Variants in SYNE2 observed in about 807,000 individuals in gnomAD.
SYNE2 encodes the protein spectrin repeat containing nuclear envelope protein 2.
A neutral mutation model predicts 856.3 loss-of-function variants in SYNE2; 431 were observed. The observed-to-expected ratio is 0.50, with a 90% confidence interval of 0.47 to 0.55. The LOEUF is 0.55. Among genes scored for constraint, SYNE2 ranks in the 20% least tolerant of loss-of-function variants. The pLI, the probability that SYNE2 is intolerant of heterozygous loss-of-function variation, is 0.00. For missense variants in SYNE2, 8,129 were observed against 8,023.2 expected (o/e 1.01, Z -0.50); for synonymous variants, 2,923 against 2,872.3 (o/e 1.02, Z -0.56).
intron 2 of SYNE2, among the ~76,000 whole-genome samples, chr14:63,911,907 G>A (rs1457109944): frequency 6.6e-6 from 1 of 152,202 alleles, no homozygotes; most frequent in African/African-American, 2.4e-5. Context: ...TATACAATCT[G>A]TTTTACAATT....
In SYNE2 at chr14:64,087,659, G is replaced by T; in HGVS notation, c.11485-12G>T. 6.2e-7 allele frequency: 1 copy of T among 1,613,556 alleles called. No individual in the cohort carries two copies. The stretch of plus-strand genomic sequence containing the variant: ...TGTTTCTCTCTATTTTTCCCATTCT[G>T]TGTTTATCTAGATGGCTTTGGAAGA... On this transcript the variant is annotated splice_polypyrimidine_tract_variant and intron_variant, in intron 57 of 115. Coordinates refer to ENST00000555002, the MANE Select transcript of SYNE2 (RefSeq NM_182914.3).
intron 64 of SYNE2, among the ~76,000 whole-genome samples, chr14:64,107,175 A>G (rs1449954014): frequency 6.6e-6 from 1 of 152,196 alleles, no homozygotes; most frequent in Non-Finnish European, 1.5e-5. Flanking sequence ...AATTTTCATA[A>G]GGACATACTT....
At chr14:63,942,919 C>G (rs1395110398) in intron 6 of SYNE2, among the ~76,000 whole-genome samples, 3 of 152,218 alleles carry the variant, frequency 2.0e-5, no homozygotes, top group African/African-American at 7.2e-5. Flanking sequence ...GCATGAGCCA[C>G]CGTGCCTGTC....
intron 2 of SYNE2, among the ~76,000 whole-genome samples, chr14:63,934,225 C>T (rs1293862900): frequency 1.3e-5 from 2 of 152,156 alleles, no homozygotes; most frequent in African/African-American, 2.4e-5. Context: ...GCACTGTCTC[C>T]TTTGCTAACT....
chr14:64,090,467 G>A (rs1255950), intron 59 of SYNE2, among the ~76,000 whole-genome samples: 130,006 of 152,196 alleles, frequency 0.85, 56,595 homozygotes, highest in Non-Finnish European at 0.94. Flanking sequence ...GTTCAAGTCA[G>A]TAAGCACTTT....
At chr14:64,158,571 G>A (rs912035641) in intron 85 of SYNE2, 54 bp from the exon 86 acceptor site, 1 of 1,582,410 alleles carries the variant, frequency 6.3e-7, no homozygotes, top group Non-Finnish European at 8.7e-7. Flanking sequence ...ATCTGTTGGA[G>A]AGCATGTCTT....
Position 64,007,209 on chromosome 14 carries a change from T to C in SYNE2, c.4564T>C (p.Leu1522=), listed in dbSNP as rs2096802993. Residue 1522 remains leucine (L), a synonymous_variant, in exon 31 of 116, where the codon TTG becomes CTG. Transcript: ENST00000555002. ...TVVLWENTKA[L]VTECLEQCGR... Reference sequence around the variant, plus strand: ...AGTCTTGTGGGAGAATACCAAAGCCTTGGTCACCGAATGGTAAGGAAAAAA... The same window carrying C: ...AGTCTTGTGGGAGAATACCAAAGCCCTGGTCACCGAATGGTAAGGAAAAAA... The C allele has an allele frequency of 6.2e-7, 1 of 1,614,042 alleles. No homozygotes were observed. The highest frequency in any genetic ancestry group is 1.6e-4 in the Middle Eastern group (1 of 6,062).
chr14:64,055,343 T>A (rs896791329), intron 48 of SYNE2, among the ~76,000 whole-genome samples: 2 of 152,108 alleles, frequency 1.3e-5, no homozygotes, highest in African/African-American at 4.8e-5. Context: ...TTTAGATTAT[T>A]TTTCTTATTA....
chr14:63,948,135 G>A (rs568969323), intron 6 of SYNE2, among the ~76,000 whole-genome samples: 76 of 144,164 alleles, frequency 5.3e-4, no homozygotes, highest in Middle Eastern at 3.5e-3. Context: ...ACACGTGTGC[G>A]TGCGCGCACA....
chr14:63,788,650 G>C (rs943059245), intron 1 of SYNE2, among the ~76,000 whole-genome samples: 3 of 152,160 alleles, frequency 2.0e-5, no homozygotes, highest in Non-Finnish European at 2.9e-5. Context: ...TCAGAAGGAG[G>C]GGGGTTCCTG....
chr14:63,980,240 CTT>C (rs1469460168), intron 14 of SYNE2, among the ~76,000 whole-genome samples: 6 of 152,032 alleles, frequency 3.9e-5, no homozygotes, highest in African/African-American at 1.4e-4. Context: ...TGATGGATAT[CTT>C]TTTGTAACGT....
chr14:64,220,751 GT>G, intron 111 of SYNE2, 114 bp downstream of exon 111: 1 of 1,238,872 alleles, frequency 8.1e-7, no homozygotes, highest in South Asian at 1.3e-5. Context: ...TGTGGCTGGT[GT>G]CAGGAAACAT....
intron 96 of SYNE2, among the ~76,000 whole-genome samples, chr14:64,178,546 C>A (rs1700780265): frequency 6.6e-6 from 1 of 152,104 alleles, no homozygotes; most frequent in South Asian, 2.1e-4. Flanking sequence ...CAACCTCCAA[C>A]TTCCAAGCTC....
intron 8 of SYNE2, chr14:63,960,783 G>A: frequency 2.6e-6 from 2 of 763,482 alleles, no homozygotes; most frequent in South Asian, 1.3e-5. Flanking sequence ...GCCTGGCACA[G>A]TGTCTTGTGC....
chr14:63,785,309 T>C (rs1887478139), intron 1 of SYNE2, among the ~76,000 whole-genome samples: 1 of 151,832 alleles, frequency 6.6e-6, no homozygotes, highest in Non-Finnish European at 1.5e-5. Flanking sequence ...AAATACAAAA[T>C]GTAGTTAGGT....
intron 74 of SYNE2, among the ~76,000 whole-genome samples, chr14:64,129,380 T>C (rs1216226520): frequency 6.6e-6 from 1 of 152,188 alleles, no homozygotes; most frequent in East Asian, 1.9e-4. Context: ...AAAAACTGTA[T>C]ATAGCCCAAA....
intron 64 of SYNE2, among the ~76,000 whole-genome samples, chr14:64,104,446 CTTTTTTT>C (rs34102150): frequency 1.7e-5 from 2 of 118,804 alleles, no homozygotes; most frequent in Non-Finnish European, 1.7e-5. Context: ...CCTGTTTTCT[CTTTTTTT>C]TTTTTTTTTT....
At position 63,966,233 on chromosome 14, in the gene SYNE2, T is replaced by C. The variant is rs563662764; in HGVS notation, c.991-1476T>C. Among the ~76,000 whole-genome samples the C allele has an allele frequency of 2.0e-5, 3 of 152,116 alleles. No individual in the cohort carries two copies. In the East Asian group the frequency reaches 5.8e-4, roughly 29 times the overall value. ...AACCCCAGAGCTGAGTAGTTATCTA[T>C]GGCCAGTTGTGGTGGCTCATGTCTG... On this transcript the variant is annotated intron_variant, in intron 10 of 115. Coordinates refer to ENST00000555002, the MANE Select transcript of SYNE2 (RefSeq NM_182914.3).
At position 63,924,832 on chromosome 14, in the gene SYNE2, GTGTTTTTTTTTT is replaced by G. The variant is rs1352089741; in HGVS notation, c.79+15607_79+15618del. 6.5e-4 allele frequency among the ~76,000 whole-genome samples: 60 copies of G among 92,858 alleles called. 3 individuals are homozygous for G. Among genetic ancestry groups the G allele is most frequent in the South Asian group, 1.4e-3 (4 of 2,764 alleles). The allele number at this position is 92,858 out of a possible 152,430, so 60.9% of individuals were successfully genotyped here. ...TTTAACTTTTTTCCTTCCAGCCTTG[GTGTTTTTTTTTT>G]TTTTTTTTTTTTTTTTTTTGCCTTA... On this transcript the variant is annotated intron_variant, in intron 2 of 115. Transcript: ENST00000555002.
Sources: allele counts gnomAD v4.1 joint callset (sites outside exome capture counted in the v4.1 genomes callset), GRCh38; gene constraint gnomAD v4.1.1; transcripts MANE v1.5; gene names NCBI Gene and HGNC (gene_info 2026-07-23, HGNC 2026-07-21).